Variants in PCLO observed in about 807,000 individuals in gnomAD.
PCLO encodes piccolo presynaptic cytomatrix protein, also known as protein piccolo.
A neutral mutation model predicts 427.5 loss-of-function variants in PCLO; 82 were observed. The ratio of observed to expected loss-of-function variants is 0.19; its 90% CI spans 0.16 to 0.23. The LOEUF is 0.23. Among genes scored for constraint, PCLO ranks in the 10% least tolerant of loss-of-function variants. The probability of loss-of-function intolerance (pLI) is 1.00; values close to 1 mark genes in which losing one functional copy is unlikely to be tolerated. For missense variants in PCLO, 6,239 were observed against 6,115.9 expected (o/e 1.02, Z -0.67); for synonymous variants, 2,357 against 2,155.4 (o/e 1.09, Z -2.59).
At chr7:82,879,968 G>A (rs1038616826) in intron 9 of PCLO, 1 of 355,496 alleles carries the variant, frequency 2.8e-6, no homozygotes, top group African/African-American at 2.2e-5. Flanking sequence ...TATTGTTTGT[G>A]TATTAACCTG....
intron 9 of PCLO, among the ~76,000 whole-genome samples, chr7:82,888,812 T>A (rs1323207095): frequency 6.6e-6 from 1 of 152,152 alleles, no homozygotes; most frequent in Non-Finnish European, 1.5e-5. Context: ...TCTATTATCC[T>A]GCATGTTAAG....
chr7:82,842,695 C>T (rs1446335139), intron 13 of PCLO, among the ~76,000 whole-genome samples: 1 of 151,888 alleles, frequency 6.6e-6, no homozygotes, highest in African/African-American at 2.4e-5. Context: ...ACAAGAAAGT[C>T]AAACAACTCA....
In PCLO at chr7:82,972,649, G is replaced by A. The variant is rs115350864; in HGVS notation, c.3301-6162C>T. Among the ~76,000 whole-genome samples, 967 of 152,106 alleles carry A rather than the reference G, an allele frequency of 6.4e-3. 15 individuals carry two copies. Among genetic ancestry groups the A allele is most frequent in the African/African-American group, 0.022 (906 of 41,520 alleles). On this transcript the variant is annotated intron_variant, in intron 3 of 24. Transcript: ENST00000333891. ...GCTTGTATCATTTCCACCCATAGAA[G>A]TATGTAGTCAAAGACTGGGTAGGTC...
At chr7:83,031,733 TCC>T (rs1391964511) in intron 3 of PCLO, among the ~76,000 whole-genome samples, 1 of 126,858 alleles carries the variant, frequency 7.9e-6, no homozygotes, top group African/African-American at 2.7e-5. Flanking sequence ...TCTCTCTCTC[TCC>T]CTCCCCCTCC....
At chr7:82,795,618 A>G (rs538937765) in intron 22 of PCLO, among the ~76,000 whole-genome samples, 1 of 152,266 alleles carries the variant, frequency 6.6e-6, no homozygotes, top group South Asian at 2.1e-4. Flanking sequence ...ACTCTTTTTA[A>G]TAAGTTGACT....
intron 3 of PCLO, among the ~76,000 whole-genome samples, chr7:83,054,283 A>G (rs1057441994): frequency 1.3e-5 from 2 of 152,078 alleles, no homozygotes; most frequent in African/African-American, 4.8e-5. Flanking sequence ...ATGTGCTTCT[A>G]TGCAATACAC....
At chr7:82,882,414 A>C (rs1584096205) in intron 9 of PCLO, among the ~76,000 whole-genome samples, 2 of 152,104 alleles carry the variant, frequency 1.3e-5, no homozygotes, top group South Asian at 2.1e-4. Flanking sequence ...CTTTTGTTTC[A>C]TCTCAAAACA....
chr7:82,963,199 T>C (rs1015898131), intron 4 of PCLO, among the ~76,000 whole-genome samples: 6 of 152,088 alleles, frequency 3.9e-5, no homozygotes, highest in South Asian at 2.1e-4. Flanking sequence ...ATGATTATGC[T>C]ATACAAAATA....
intron 22 of PCLO, among the ~76,000 whole-genome samples, chr7:82,800,742 C>T (rs910486642): frequency 2.6e-5 from 4 of 151,942 alleles, no homozygotes; most frequent in African/African-American, 7.2e-5. Flanking sequence ...ATTACAGGTG[C>T]GTGCCACCAC....
rs537460031 is a variant in PCLO, at chr7:83,125,798, T to C, written c.3300+8452A>G. 2.6e-5 allele frequency among the ~76,000 whole-genome samples: 4 copies of C among 152,250 alleles called. No individual in the cohort carries two copies. In the South Asian group the frequency reaches 8.3e-4, roughly 32 times the overall value. The stretch of plus-strand genomic sequence containing the variant: ...GGAAAACCAGAGACCTTTGTTCACA[T>C]GTTTATCTGCTGACCTTCTCTCCAC... On this transcript the variant is annotated intron_variant, in intron 3 of 24. Transcript: ENST00000333891.
chr7:83,094,976 T>A (rs1188221210), intron 3 of PCLO, among the ~76,000 whole-genome samples: 3 of 152,182 alleles, frequency 2.0e-5, no homozygotes, highest in African/African-American at 7.2e-5. Context: ...AATGCTAACT[T>A]CACAAATGAA....
In PCLO at chr7:82,966,031, T is replaced by G. The variant is rs762333019; in HGVS notation, c.3757A>C (p.Lys1253Gln). The part of the protein sequence containing the change: ...PEDKKLLPEA[K>Q]TSAPEEQKHD... ...TTCTGTTCTTCTGGGGCTGATGTTT[T>G]TGCCTCTGGGAGTAGCTTTTTGTCT... is the stretch of plus-strand genomic sequence containing the variant. Residue 1253 changes from lysine to glutamine, a missense_variant, in exon 4 of 25, where the codon AAA becomes CAA. Transcript: ENST00000333891. 1 of 1,613,528 alleles carries G rather than the reference T, an allele frequency of 6.2e-7. No homozygotes were observed. Among genetic ancestry groups the G allele is most frequent in the South Asian group, 1.1e-5 (1 of 90,988 alleles).
At chr7:83,162,049 A>T (rs1426410162) in intron 1 of PCLO, among the ~76,000 whole-genome samples, 1 of 152,234 alleles carries the variant, frequency 6.6e-6, no homozygotes, top group Non-Finnish European at 1.5e-5. Flanking sequence ...AAAACACTGG[A>T]GGGCGTCTCT....
intron 22 of PCLO, among the ~76,000 whole-genome samples, chr7:82,791,647 A>T (rs542065154): frequency 2.6e-5 from 4 of 152,296 alleles, no homozygotes; most frequent in Admixed American, 6.5e-5. Flanking sequence ...AGAGTCTATT[A>T]TCTCGTGTCC....
intron 3 of PCLO, among the ~76,000 whole-genome samples, chr7:83,081,068 T>C (rs1222839910): frequency 1.3e-5 from 2 of 152,000 alleles, no homozygotes; most frequent in African/African-American, 4.8e-5. Flanking sequence ...AAACCACTGA[T>C]AAGGGGTGGA....
chr7:83,047,982 C>A (rs1054779021), intron 3 of PCLO, among the ~76,000 whole-genome samples: 2 of 151,940 alleles, frequency 1.3e-5, no homozygotes, highest in African/African-American at 4.8e-5. Flanking sequence ...TATGTGAGGA[C>A]CAGATAGAAG....
chr7:82,933,334 T>TGGG (rs1794881227), intron 6 of PCLO, among the ~76,000 whole-genome samples: 1 of 152,076 alleles, frequency 6.6e-6, no homozygotes, highest in Admixed American at 6.6e-5. Context: ...AAGTATAACC[T>TGGG]GAGGTTTTCC....
chr7:82,977,192 C>T (rs1796036834), intron 3 of PCLO, among the ~76,000 whole-genome samples: 1 of 151,978 alleles, frequency 6.6e-6, no homozygotes, highest in East Asian at 1.9e-4. Flanking sequence ...TATTATATAT[C>T]CTCCAAGAAT....
At chr7:82,844,460 G>T (rs1473477952) in intron 13 of PCLO, among the ~76,000 whole-genome samples, 1 of 152,070 alleles carries the variant, frequency 6.6e-6, no homozygotes, top group Non-Finnish European at 1.5e-5. Flanking sequence ...GACATCTGCT[G>T]TATTTTTATA....
Sources: gnomAD v4.1 joint callset for allele counts (sites outside exome capture counted in the v4.1 genomes callset) on GRCh38, gnomAD v4.1.1 for gene constraint, MANE v1.5 for transcripts, NCBI Gene and HGNC (gene_info 2026-07-23, HGNC 2026-07-21) for gene names.